Variants in ANXA8 observed in about 807,000 individuals in gnomAD.
The protein encoded by ANXA8 is annexin A8, also known as VAC-beta.
ANXA8 carries 9 observed loss-of-function variants against 26.8 expected under a neutral mutation model. The observed-to-expected ratio is 0.34, with a 90% CI of 0.20 to 0.59. ANXA8 has a LOEUF of 0.59. ANXA8 is among the 20% of genes least tolerant of loss of function. The probability of loss-of-function intolerance (pLI) is 0.84; values close to 1 mark genes in which losing one functional copy is unlikely to be tolerated. For missense variants in ANXA8, 83 were observed against 238.5 expected (o/e 0.35, Z 4.29); for synonymous variants, 39 against 94.8 (o/e 0.41, Z 3.42).
the ANXA8 span, among the ~76,000 whole-genome samples, chr10:47,962,748 A>G: frequency 2.0e-5 from 3 of 147,416 alleles, no homozygotes; most frequent in Non-Finnish European, 4.5e-5. Flanking sequence ...ACACTCACAT[A>G]CACAAACACA....
the ANXA8 span, among the ~76,000 whole-genome samples, chr10:47,727,562 T>C: frequency 5.6e-5 from 8 of 141,792 alleles, no homozygotes; most frequent in African/African-American, 2.0e-4. Flanking sequence ...CTGAGGTAAA[T>C]AGTAGTTGTA....
At chr10:47,503,717 A>T in the ANXA8 span, among the ~76,000 whole-genome samples, 19 of 128,668 alleles carry the variant, frequency 1.5e-4, no homozygotes, top group Admixed American at 5.5e-4. Context: ...CGAGGTCAGG[A>T]GTTCAAGACC....
the ANXA8 span, among the ~76,000 whole-genome samples, chr10:47,951,012 A>G: frequency 6.6e-6 from 1 of 150,852 alleles, no homozygotes; most frequent in South Asian, 2.1e-4. Flanking sequence ...AAGAAAGTCA[A>G]TAAGATAAAA....
At chr10:47,743,329 C>CATATATATATACACATAT in the ANXA8 span, among the ~76,000 whole-genome samples, 14 of 47,790 alleles carry the variant, frequency 2.9e-4, 1 homozygote, top group East Asian at 6.6e-4. Flanking sequence ...TATATATATA[C>CATATATATATACACATAT]ATATATATAT....
At chr10:47,974,718 T>C in the ANXA8 span, among the ~76,000 whole-genome samples, 2 of 147,980 alleles carry the variant, frequency 1.4e-5, no homozygotes, top group Admixed American at 6.9e-5. Context: ...GAGATCTTCT[T>C]GATATTAGTT....
chr10:47,525,637 A>AGATGATGATGATGATGATGATGATGAT, the ANXA8 span, among the ~76,000 whole-genome samples: 1 of 134,860 alleles, frequency 7.4e-6, no homozygotes. Flanking sequence ...ATGACATTGT[A>AGATGATGATGATGATGATGATGATGAT]GATTATTATT....
At chr10:47,959,778 T>C in the ANXA8 span, among the ~76,000 whole-genome samples, 1 of 150,232 alleles carries the variant, frequency 6.7e-6, no homozygotes, top group African/African-American at 2.5e-5. Context: ...TCCCATCCCC[T>C]GGAATCTAGG....
the ANXA8 span, among the ~76,000 whole-genome samples, chr10:47,612,939 G>T: frequency 2.7e-5 from 2 of 75,154 alleles, 1 homozygote; most frequent in Non-Finnish European, 6.8e-5. Context: ...TAGGTATACT[G>T]CTATAAGCAA....
At chr10:47,563,539 T>G in the ANXA8 span, 4 of 772,112 alleles carry the variant, frequency 5.2e-6, no homozygotes, top group East Asian at 9.8e-5. Flanking sequence ...CTTACTGAAA[T>G]TTGTTCTAAA....
the ANXA8 span, among the ~76,000 whole-genome samples, chr10:47,973,677 C>T: frequency 6.6e-6 from 1 of 150,806 alleles, no homozygotes; most frequent in African/African-American, 2.4e-5. Context: ...TCTTGGAGGT[C>T]TTGGGCATTT....
At chr10:47,502,950 G>A in the ANXA8 span, 511 of 1,595,160 alleles carry the variant, frequency 3.2e-4, 25 homozygotes, top group East Asian at 0.011. Flanking sequence ...CATGAGGAGA[G>A]GGGGGCGGGT....
chr10:47,777,392 A>G, the ANXA8 span, among the ~76,000 whole-genome samples: 8 of 152,100 alleles, frequency 5.3e-5, no homozygotes, highest in African/African-American at 1.9e-4. Context: ...GGCTCAAGCA[A>G]TCCTCCCATC....
chr10:47,565,579 C>A, the ANXA8 span: 1 of 290,108 alleles, frequency 3.4e-6, no homozygotes, highest in Non-Finnish European at 6.3e-6. Flanking sequence ...GCCCGGACGC[C>A]GCGCCCAGGC....
the ANXA8 span, among the ~76,000 whole-genome samples, chr10:47,973,778 A>C: frequency 4.0e-5 from 6 of 151,160 alleles, 1 homozygote; most frequent in Non-Finnish European, 8.9e-5. Flanking sequence ...CCGTTAGAAA[A>C]CCAAAAATGA....
At chr10:47,542,443 A>C in the ANXA8 span, 1 of 223,656 alleles carries the variant, frequency 4.5e-6, no homozygotes, top group Non-Finnish European at 7.9e-6. Flanking sequence ...ACCAGAGAAG[A>C]AAATCCTTAT....
At chr10:47,735,383 C>G in the ANXA8 span, among the ~76,000 whole-genome samples, 1 of 148,484 alleles carries the variant, frequency 6.7e-6, no homozygotes. Flanking sequence ...GCGTGAGCCA[C>G]TGCACCAGGC....
the ANXA8 span, among the ~76,000 whole-genome samples, chr10:47,735,472 C>T: frequency 4.7e-5 from 7 of 149,146 alleles, no homozygotes; most frequent in African/African-American, 1.3e-4. Context: ...TTCTACCAAC[C>T]AAAGCTAATT....
chr10:47,743,257 T>TATATATATACATATATATATATAC, the ANXA8 span, among the ~76,000 whole-genome samples: 3 of 128,726 alleles, frequency 2.3e-5, 1 homozygote, highest in Admixed American at 8.3e-5. Context: ...TATATATATA[T>TATATATATACATATATATATATAC]ATATATACAT....
At chr10:47,558,966 T>C in the ANXA8 span, among the ~76,000 whole-genome samples, 2 of 151,582 alleles carry the variant, frequency 1.3e-5, no homozygotes, top group Admixed American at 1.3e-4. Flanking sequence ...TTTGACTTTA[T>C]TGAATAACTT....
Sources: gnomAD v4.1 joint callset for allele counts (sites outside exome capture counted in the v4.1 genomes callset) on GRCh38, gnomAD v4.1.1 for gene constraint, MANE v1.5 for transcripts, NCBI Gene and HGNC (gene_info 2026-07-23, HGNC 2026-07-21) for gene names.